The following BARD1 variants were observed in gnomAD, a reference collection of about 807,000 sequenced individuals.
BARD1 encodes the protein BRCA1-associated RING domain protein 1.
In BARD1, 73 loss-of-function variants were observed where a neutral mutation model predicts 77.0. That is an observed-to-expected ratio of 0.95 (90% confidence interval 0.79 to 1.15). The LOEUF (loss-of-function observed/expected upper bound fraction) is 1.15. Ranked by LOEUF, BARD1 falls within the 50% of genes most tolerant of loss-of-function variation. The pLI is 0.00. For missense variants in BARD1, 993 were observed against 938.8 expected (o/e 1.06, Z -0.75); for synonymous variants, 384 against 338.0 (o/e 1.14, Z -1.49).
intron 5 of BARD1, among the ~76,000 whole-genome samples, chr2:214,768,094 G>C (rs1185811469): frequency 6.6e-6 from 1 of 152,144 alleles, no homozygotes; most frequent in Non-Finnish European, 1.5e-5. Flanking sequence ...TAAGCTATTT[G>C]CTGAACCTAC....
rs730881425 is a variant in BARD1 at position 214,728,731 on chromosome 2, G to A, written c.2279C>T (p.Ser760Leu). 3.7e-5 allele frequency: 60 copies of A among 1,614,184 alleles called. No homozygotes were observed. The highest frequency in any genetic ancestry group is 5.0e-5 in the Non-Finnish European group (59 of 1,180,028). The stretch of plus-strand genomic sequence containing the variant: ...CATCACACAGTCTATAAACCAGCTC[G>A]AAGGAGCCTTCCAGACTTTGCCCTG... ...VRQGKVWKAP[S>L]SWFIDCVMSF... The change falls in exon 11 of 11, where the codon TCG (serine) becomes TTG (leucine). Residue 760 changes from serine (S) to leucine (L), a missense_variant. Transcript: ENST00000260947.
rs1693334294 is a variant in BARD1 at position 214,750,077 on chromosome 2, GA to G, written c.1677+2369del. On this transcript the variant is annotated intron_variant, in intron 7 of 10. Transcript: ENST00000260947. ...CAATGGCATCTACTACTACTCTTGT[GA>G]ATGATCCTTGACCTCAGCTCCTCCC... 3.9e-5 allele frequency among the ~76,000 whole-genome samples: 6 copies of G among 152,242 alleles called. No homozygotes were observed. In the South Asian group the frequency reaches 1.2e-3, roughly 32 times the overall value.
chr2:214,736,470 C>T (rs1039465135), intron 9 of BARD1, among the ~76,000 whole-genome samples: 6 of 152,074 alleles, frequency 3.9e-5, no homozygotes, highest in African/African-American at 1.4e-4. Context: ...TATGGTGGCA[C>T]AGAAAGCCAA....
In BARD1 at chr2:214,725,656, ATATT is replaced by A. The variant is rs1402839297; in HGVS notation, c.*3016_*3019del. 1.4e-5 allele frequency: 3 copies of A among 210,162 alleles called. No homozygotes were observed. The highest frequency in any genetic ancestry group is 1.4e-4 in the East Asian group (2 of 13,920). The allele number at this position is 210,162 out of a possible 1,614,324, so 13.0% of individuals were successfully genotyped here. A position where few individuals can be genotyped will look rare whatever the true frequency, so the allele number is the denominator to read the frequency against. On this transcript the variant is annotated 3_prime_UTR_variant, in exon 11 of 11. Transcript: ENST00000260947. ...GCTCTTAAACGAAGACAACTTCTCAATATTTATTTATTCATTCAGTTTGATGTGC... is the reference window on the plus strand; with the variant it reads ...GCTCTTAAACGAAGACAACTTCTCAATATTTATTCATTCAGTTTGATGTGC...
chr2:214,746,602 A>G (rs1329967616), intron 7 of BARD1, among the ~76,000 whole-genome samples: 1 of 152,176 alleles, frequency 6.6e-6, no homozygotes, highest in Non-Finnish European at 1.5e-5. Flanking sequence ...ATATATATAT[A>G]TATTTCCATA....
At chr2:214,801,187 T>C (rs1157586214) in intron 1 of BARD1, among the ~76,000 whole-genome samples, 1 of 152,176 alleles carries the variant, frequency 6.6e-6, no homozygotes, top group Non-Finnish European at 1.5e-5. Flanking sequence ...TAAAGGCACA[T>C]GACATCAGTA....
chr2:214,752,660 A>C, intron 6 of BARD1, 105 bp from the exon 7 acceptor site: 1 of 827,444 alleles, frequency 1.2e-6, no homozygotes. Context: ...TAAATTACTC[A>C]GAACTCATAT....
intron 6 of BARD1, among the ~76,000 whole-genome samples, chr2:214,754,190 G>T (rs938793928): frequency 6.6e-6 from 1 of 151,570 alleles, no homozygotes; most frequent in Non-Finnish European, 1.5e-5. Flanking sequence ...AATGTTCTAG[G>T]TCTTAAACCA....
intron 5 of BARD1, among the ~76,000 whole-genome samples, chr2:214,768,598 A>G (rs979306843): frequency 1.8e-4 from 28 of 152,176 alleles, no homozygotes; most frequent in African/African-American, 6.5e-4. Flanking sequence ...GGATGAAGGC[A>G]TCCACTTCAT....
intron 3 of BARD1, among the ~76,000 whole-genome samples, chr2:214,786,344 CT>C (rs1301620492): frequency 1.3e-5 from 2 of 151,630 alleles, no homozygotes; most frequent in East Asian, 3.9e-4. Flanking sequence ...TTTTTATTTC[CT>C]TTTAGTCATT....
At chr2:214,741,493 G>T (rs1326467337) in intron 9 of BARD1, among the ~76,000 whole-genome samples, 2 of 151,978 alleles carry the variant, frequency 1.3e-5, no homozygotes, top group African/African-American at 4.8e-5. Flanking sequence ...TATGAGATTC[G>T]TAAGATGACT....
At chr2:214,777,793 G>A (rs535166529) in intron 4 of BARD1, among the ~76,000 whole-genome samples, 24 of 152,296 alleles carry the variant, frequency 1.6e-4, no homozygotes, top group Admixed American at 5.9e-4. Context: ...TTCTGAAGCA[G>A]GTGGGTGCAA....
chr2:214,763,514 T>C (rs895355001), intron 6 of BARD1, among the ~76,000 whole-genome samples: 1 of 152,156 alleles, frequency 6.6e-6, no homozygotes, highest in African/African-American at 2.4e-5. Flanking sequence ...CCAAAATGTC[T>C]ATGCTAGAGC....
At chr2:214,765,746 G>A (rs111779457) in intron 6 of BARD1, among the ~76,000 whole-genome samples, 14 of 151,730 alleles carry the variant, frequency 9.2e-5, no homozygotes, top group South Asian at 2.1e-4. Flanking sequence ...AAACACGCAC[G>A]TGTGTACACA....
intron 4 of BARD1, among the ~76,000 whole-genome samples, chr2:214,775,965 T>C (rs918864950): frequency 2.0e-5 from 3 of 152,340 alleles, no homozygotes; most frequent in Admixed American, 6.5e-5. Context: ...TCAAGTATAA[T>C]AAACTACAAA....
At chr2:214,769,126 TAAA>T in intron 5 of BARD1, 103 bp downstream of exon 5, 1 of 919,214 alleles carries the variant, frequency 1.1e-6, no homozygotes, top group Non-Finnish European at 1.7e-6. Context: ...TTCTTCAGAC[TAAA>T]AAGAGTATAT....
intron 9 of BARD1, 37 bp downstream of exon 9, chr2:214,745,029 CT>C: frequency 6.4e-7 from 1 of 1,553,596 alleles, no homozygotes; most frequent in Non-Finnish European, 8.9e-7. Context: ...CAAAACTAGT[CT>C]AATTCATTTC....
At chr2:214,783,663 G>T (rs1349831829) in intron 3 of BARD1, among the ~76,000 whole-genome samples, 2 of 151,752 alleles carry the variant, frequency 1.3e-5, no homozygotes, top group Admixed American at 6.6e-5. Flanking sequence ...AAACCATTGT[G>T]ACATAGATAT....
chr2:214,745,929 T>C, intron 7 of BARD1, 75 bp from the exon 8 acceptor site: 1 of 1,516,822 alleles, frequency 6.6e-7, no homozygotes, highest in South Asian at 1.1e-5. Flanking sequence ...GACTGTTACT[T>C]GATATAAGCT....
Sources: allele counts gnomAD v4.1 joint callset (sites outside exome capture counted in the v4.1 genomes callset), GRCh38; gene constraint gnomAD v4.1.1; transcripts MANE v1.5; gene names NCBI Gene and HGNC (gene_info 2026-07-23, HGNC 2026-07-21).